The following FMN2 variants were observed in gnomAD, a reference collection of about 807,000 sequenced individuals.
The protein encoded by FMN2 is formin 2.
In FMN2, 51 loss-of-function variants were observed where a neutral mutation model predicts 142.3. The ratio of observed to expected loss-of-function variants is 0.36; its 90% CI spans 0.29 to 0.45. The LOEUF (loss-of-function observed/expected upper bound fraction) is 0.45, where lower values mean the gene tolerates loss of function less well. FMN2 is among the 20% of genes least tolerant of loss of function. FMN2 has a pLI of 1.00. For synonymous variants in FMN2, 882 were observed against 869.8 expected, an observed-to-expected ratio of 1.01 and a Z score of -0.25; for missense variants, 1,936 against 2,122.8, an observed-to-expected ratio of 0.91 and a Z score of 1.73.
intron 2 of FMN2, chr1:240,144,428 A>G: frequency 1.2e-6 from 2 of 1,602,604 alleles, no homozygotes; most frequent in South Asian, 1.1e-5. Flanking sequence ...GATCTCTGTC[A>G]GGTGCTCATA....
intron 2 of FMN2, among the ~76,000 whole-genome samples, chr1:240,161,836 T>G (rs1443705293): frequency 6.6e-6 from 1 of 152,158 alleles, no homozygotes; most frequent in African/African-American, 2.4e-5. Flanking sequence ...ATTATAAATG[T>G]TAATGTGAAA....
At position 240,313,064 on chromosome 1, in the gene FMN2, G is replaced by T. The variant is rs191975757; in HGVS notation, c.4216-16012G>T. On this transcript the variant is annotated intron_variant, in intron 8 of 17. Transcript: ENST00000319653. ...TACAGAAATTAATCCCTTGGAATTT[G>T]CTATGTCACTTCCTATTGCAACATT... 2.8e-3 allele frequency among the ~76,000 whole-genome samples: 430 copies of T among 152,280 alleles called. 2 individuals carry two copies. The highest frequency in any genetic ancestry group is 0.017 in the South Asian group (81 of 4,824).
intron 8 of FMN2, among the ~76,000 whole-genome samples, chr1:240,323,611 T>C (rs1671055669): frequency 1.3e-5 from 2 of 152,210 alleles, no homozygotes; most frequent in Non-Finnish European, 2.9e-5. Context: ...ACGTGAAAGA[T>C]CTTTCTAATA....
intron 2 of FMN2, among the ~76,000 whole-genome samples, chr1:240,140,018 G>C (rs932546081): frequency 6.6e-6 from 1 of 152,132 alleles, no homozygotes; most frequent in African/African-American, 2.4e-5. Context: ...AGATAAATTG[G>C]TTTCAGTTGG....
At chr1:240,268,809 A>AT (rs1276583099) in intron 7 of FMN2, among the ~76,000 whole-genome samples, 1 of 152,004 alleles carries the variant, frequency 6.6e-6, no homozygotes, top group South Asian at 2.1e-4. Flanking sequence ...GATGTAGAGC[A>AT]TTTTTTCATT....
intron 16 of FMN2, among the ~76,000 whole-genome samples, chr1:240,446,653 T>C (rs551697947): frequency 3.2e-4 from 48 of 152,372 alleles, no homozygotes; most frequent in African/African-American, 1.1e-3. Context: ...TTTAGGATAC[T>C]TTCAAATGGT....
At chr1:240,168,317 G>A (rs1664561925) in intron 2 of FMN2, among the ~76,000 whole-genome samples, 1 of 152,200 alleles carries the variant, frequency 6.6e-6, no homozygotes, top group African/African-American at 2.4e-5. Context: ...GCTGGGCACA[G>A]TGGCTCACGC....
chr1:240,412,246 T>C (rs925120191), intron 15 of FMN2, among the ~76,000 whole-genome samples: 10 of 152,206 alleles, frequency 6.6e-5, no homozygotes, highest in African/African-American at 2.4e-4. Flanking sequence ...TAATTTGTGA[T>C]ATTAATGGGA....
At chr1:240,259,570 T>C (rs1344607137) in intron 7 of FMN2, among the ~76,000 whole-genome samples, 1 of 151,230 alleles carries the variant, frequency 6.6e-6, no homozygotes, top group Non-Finnish European at 1.5e-5. Flanking sequence ...AAAGTCCTAT[T>C]CTGCCTTGGT....
chr1:240,462,117 C>T (rs1413900164), intron 16 of FMN2, among the ~76,000 whole-genome samples: 1 of 152,168 alleles, frequency 6.6e-6, no homozygotes, highest in Admixed American at 6.5e-5. Context: ...GTAAATTCAT[C>T]TAGGTATCCT....
intron 14 of FMN2, among the ~76,000 whole-genome samples, chr1:240,363,164 A>T (rs1274906405): frequency 6.6e-6 from 1 of 152,196 alleles, no homozygotes; most frequent in Non-Finnish European, 1.5e-5. Flanking sequence ...AGAAAGGAAT[A>T]TTCTTTATGC....
intron 16 of FMN2, among the ~76,000 whole-genome samples, chr1:240,439,113 A>G (rs887626809): frequency 6.6e-6 from 1 of 152,044 alleles, no homozygotes; most frequent in Admixed American, 6.6e-5. Flanking sequence ...TCTGTACTAA[A>G]AGTACAAAAA....
At chr1:240,332,245 C>G (rs1395252843) in intron 11 of FMN2, among the ~76,000 whole-genome samples, 1 of 145,456 alleles carries the variant, frequency 6.9e-6, no homozygotes, top group Non-Finnish European at 1.5e-5. Context: ...CTATAGAGAG[C>G]TGATAAATTA....
Position 240,330,707 on chromosome 1 carries a change from T to C in FMN2, c.4542T>C (p.Phe1514=). The C allele has an allele frequency of 6.2e-7, 1 of 1,614,038 alleles. No individual in the cohort carries two copies. Among genetic ancestry groups the C allele is most frequent in the Non-Finnish European group, 8.5e-7 (1 of 1,179,922 alleles). The change falls in exon 11 of 18, where the codon TTT becomes TTC. Residue 1514 remains phenylalanine (F), a synonymous_variant. Transcript: ENST00000319653. The part of the protein sequence containing the change: ...GNKTRGQADG[F]GLDILPKLKD... Reference sequence around the variant, plus strand: ...AGACTCGAGGACAGGCAGATGGCTTTGGATTAGACATTCTTCCAAAACTGA... The same window carrying C: ...AGACTCGAGGACAGGCAGATGGCTTCGGATTAGACATTCTTCCAAAACTGA...
intron 2 of FMN2, among the ~76,000 whole-genome samples, chr1:240,173,867 T>C (rs993527160): frequency 2.0e-5 from 3 of 152,182 alleles, no homozygotes; most frequent in African/African-American, 7.2e-5. Context: ...GCTTTTAGCA[T>C]GCTTTGTATT....
intron 6 of FMN2, among the ~76,000 whole-genome samples, chr1:240,220,123 AAAC>A (rs1217807648): frequency 6.6e-6 from 1 of 152,206 alleles, no homozygotes; most frequent in South Asian, 2.1e-4. Context: ...CTCCCCAGTA[AAAC>A]AACAACTTAA....
chr1:240,207,316 C>T lies in FMN2; in HGVS notation c.2504C>T (p.Thr835Ile), dbSNP rs147318481. Reference sequence around the variant, plus strand: ...TCACAGCCGCCCCATTCTATTTCTACCGAGTTTCAAACCAGCCACGAACAC... The same window carrying T: ...TCACAGCCGCCCCATTCTATTTCTATCGAGTTTCAAACCAGCCACGAACAC... ...PGSQPPHSIS[T>I]EFQTSHEHSV... Residue 835 changes from threonine (T) to isoleucine (I), a missense_variant, in exon 5 of 18, where the codon ACC becomes ATC. Thr to Ile is a moderately conservative substitution (Grantham distance 89). Around this residue, in one of 8 missense-constraint regions of FMN2, gnomAD observed 478 missense variants for 462.8 expected, o/e 1.03. Coordinates refer to ENST00000319653, the MANE Select transcript of FMN2 (RefSeq NM_020066.5). 8.1e-6 allele frequency: 13 copies of T among 1,613,848 alleles called. No homozygotes were observed. The highest frequency in any genetic ancestry group is 1.1e-5 in the Non-Finnish European group (13 of 1,179,850).
intron 4 of FMN2, among the ~76,000 whole-genome samples, chr1:240,202,973 GA>G (rs1421468958): frequency 6.6e-6 from 1 of 152,012 alleles, no homozygotes; most frequent in African/African-American, 2.4e-5. Flanking sequence ...CATGAAAAAA[GA>G]AAACCCTAGT....
chr1:240,376,884 TCA>T (rs1673064740), intron 14 of FMN2, among the ~76,000 whole-genome samples: 1 of 152,158 alleles, frequency 6.6e-6, no homozygotes, highest in Non-Finnish European at 1.5e-5. Flanking sequence ...CTTTAATTTA[TCA>T]CAGTCTATCT....
Sources: allele counts gnomAD v4.1 joint callset (sites outside exome capture counted in the v4.1 genomes callset), GRCh38; gene constraint gnomAD v4.1.1; regional missense constraint gnomAD v4.1.1; transcripts MANE v1.5; gene names NCBI Gene and HGNC (gene_info 2026-07-23, HGNC 2026-07-21).